The following SP3 variants were observed in gnomAD, a reference collection of about 807,000 sequenced individuals.
The protein encoded by SP3 is Sp3 transcription factor, also known as transcription factor Sp3.
In SP3, 10 loss-of-function variants were observed where a neutral mutation model predicts 70.3. The ratio of observed to expected loss-of-function variants is 0.14; its 90% confidence interval spans 0.09 to 0.24. SP3 has a LOEUF of 0.24. Among genes scored for constraint, SP3 ranks in the 10% least tolerant of loss-of-function variants. The pLI, the probability that SP3 is intolerant of heterozygous loss-of-function variation, is 1.00. For missense variants in SP3, 825 were observed against 914.6 expected (o/e 0.90, Z 1.26); for synonymous variants, 402 against 333.5 (o/e 1.21, Z -2.24).
intron 4 of SP3, among the ~76,000 whole-genome samples, chr2:173,920,263 A>C (rs1248340785): frequency 6.6e-6 from 1 of 152,138 alleles, no homozygotes; most frequent in Admixed American, 6.6e-5. Context: ...GGTTGCCAGG[A>C]ATTAAAGGGG....
At chr2:173,936,891 C>G (rs1217774934) in intron 4 of SP3, among the ~76,000 whole-genome samples, 1 of 151,796 alleles carries the variant, frequency 6.6e-6, no homozygotes, top group Non-Finnish European at 1.5e-5. Context: ...TCTCTCTTCT[C>G]TATTAGGTCT....
rs989540445 is a variant in SP3, at chr2:173,965,367, G to A, written c.-196C>T. On this transcript the variant is annotated 5_prime_UTR_variant, in exon 1 of 7. Coordinates refer to ENST00000310015, the MANE Select transcript of SP3 (RefSeq NM_003111.5). ...GCCTCCAGCCCAAAAGGGGGGAAGA[G>A]GGTGACAGCCCGCCCGGAACTCCCG... 2.6e-5 allele frequency: 16 copies of A among 616,914 alleles called. No homozygotes were observed. In the East Asian group the frequency reaches 3.4e-4, roughly 13 times the overall value. The allele number at this position is 616,914 out of a possible 1,614,324, so 38.2% of individuals were successfully genotyped here.
chr2:173,946,116 G>C (rs1040809012), intron 4 of SP3, among the ~76,000 whole-genome samples: 1 of 151,896 alleles, frequency 6.6e-6, no homozygotes, highest in African/African-American at 2.4e-5. Context: ...GACAGAGCAA[G>C]ATACGGTCTC....
chr2:173,902,404 G>A lies in SP3; in HGVS notation c.*7537C>T, dbSNP rs1016877551. On this transcript the variant is annotated 3_prime_UTR_variant, in exon 7 of 7. Coordinates refer to ENST00000310015, the MANE Select transcript of SP3 (RefSeq NM_003111.5). ...AATATAATTTGGTATGCATGTTATG[G>A]AGATCAATTTGGAAGTATCTGGTGA... 1.3e-5 allele frequency among the ~76,000 whole-genome samples: 2 copies of A among 152,188 alleles called. No homozygotes were observed. Among genetic ancestry groups the A allele is most frequent in the African/African-American group, 4.8e-5 (2 of 41,440 alleles).
rs779557887 is a variant in SP3 at position 173,964,411 on chromosome 2, CGCCGCT to C, written c.144_149del (p.Ala50_Ala51del). The C allele has an allele frequency of 1.4e-6, 1 of 722,468 alleles. No individual in the cohort carries two copies. The highest frequency in any genetic ancestry group is 1.5e-5 in the South Asian group (1 of 68,936). 44.8% of individuals were successfully genotyped at this position (722,468 alleles called of 1,614,324 possible). ...GGGTTCAGCCGCTCCTCACCTGGGC[CGCCGCT>C]GCCGCCGCCACCGCACCGTTTCCGT... On this transcript the variant is annotated inframe_deletion, in exon 2 of 7. Transcript: ENST00000310015.
intron 4 of SP3, among the ~76,000 whole-genome samples, chr2:173,922,590 C>A (rs1207098749): frequency 6.6e-6 from 1 of 151,710 alleles, no homozygotes; most frequent in East Asian, 1.9e-4. Flanking sequence ...AATTAACAAG[C>A]AGAGACTAAA....
In SP3 at chr2:173,964,427, A is replaced by G; in HGVS notation, c.134T>C (p.Val45Ala). 1 of 729,566 alleles carries G rather than the reference A, an allele frequency of 1.4e-6. No individual in the cohort carries two copies. Among genetic ancestry groups the G allele is most frequent in the East Asian group, 2.7e-5 (1 of 36,762 alleles). The allele number at this position is 729,566 out of a possible 1,614,324, so 45.2% of individuals were successfully genotyped here. A position where few individuals can be genotyped will look rare whatever the true frequency, so the allele number is the denominator to read the frequency against. Residue 45 changes from valine (V) to alanine (A), a missense_variant, in exon 2 of 7, where the codon GTG (valine) becomes GCG (alanine). Physicochemically the swap from Val to Ala is moderately conservative, Grantham distance 64. Transcript: ENST00000310015. ...CACCTGGGCCGCCGCTGCCGCCGCCACCGCACCGTTTCCGTGCTGTTGCTG... is the reference window on the plus strand; with the variant it reads ...CACCTGGGCCGCCGCTGCCGCCGCCGCCGCACCGTTTCCGTGCTGTTGCTG... ...QQQQQHGNGA[V>A]AAAAAAQDTQ...
rs889890320 is a variant in SP3 at position 173,945,886 on chromosome 2, G to A, written c.1639+8987C>T. Among the ~76,000 whole-genome samples the A allele has an allele frequency of 5.9e-5, 9 of 152,248 alleles. No homozygotes were observed. The South Asian group carries it at 6.2e-4, about 11-fold the overall frequency. On this transcript the variant is annotated intron_variant, in intron 4 of 6. Transcript: ENST00000310015. ...TCATGCCTTAATCCCAGCACTTTACGAGGCTGATGTGGACGGATCATTTGA... is the reference window on the plus strand; with the variant it reads ...TCATGCCTTAATCCCAGCACTTTACAAGGCTGATGTGGACGGATCATTTGA...
At chr2:173,945,216 C>T (rs1559103750) in intron 4 of SP3, among the ~76,000 whole-genome samples, 3 of 152,104 alleles carry the variant, frequency 2.0e-5, no homozygotes, top group African/African-American at 4.8e-5. Context: ...TTTAAAATTA[C>T]TTTATTTTAA....
intron 6 of SP3, among the ~76,000 whole-genome samples, chr2:173,911,749 C>A (rs962109878): frequency 6.6e-6 from 1 of 151,446 alleles, no homozygotes; most frequent in Non-Finnish European, 1.5e-5. Flanking sequence ...CTATCCCAAG[C>A]AGTAATTATC....
At chr2:173,931,899 G>T (rs945906458) in intron 4 of SP3, among the ~76,000 whole-genome samples, 1 of 152,156 alleles carries the variant, frequency 6.6e-6, no homozygotes, top group Admixed American at 6.6e-5. Flanking sequence ...GTTGTGGCTG[G>T]TATATCTGGC....
intron 5 of SP3, chr2:173,916,387 G>A (rs1440374374): frequency 2.0e-5 from 3 of 151,860 alleles, no homozygotes; most frequent in Admixed American, 2.0e-4. Context: ...GTAAGTGATG[G>A]AACTGTTTCT....
At position 173,906,111 on chromosome 2, in the gene SP3, T is replaced by C. The variant is rs1689312568; in HGVS notation, c.*3830A>G. Among the ~76,000 whole-genome samples, 1 of 152,176 alleles carries C rather than the reference T, an allele frequency of 6.6e-6. No individual in the cohort carries two copies. The highest frequency in any genetic ancestry group is 2.4e-5 in the African/African-American group (1 of 41,434). Reference sequence around the variant, plus strand: ...AAAAAAATTCTTCTCTTTTGCAATTTGGCAGCCCCTCTTAAAAATTTTTCC... The same window carrying C: ...AAAAAAATTCTTCTCTTTTGCAATTCGGCAGCCCCTCTTAAAAATTTTTCC... On this transcript the variant is annotated 3_prime_UTR_variant, in exon 7 of 7. Coordinates refer to ENST00000310015, the MANE Select transcript of SP3 (RefSeq NM_003111.5).
In SP3 at chr2:173,955,702, A is replaced by T; in HGVS notation, c.810T>A (p.Asn270Lys). 6.2e-7 allele frequency: 1 copy of T among 1,614,214 alleles called. No homozygotes were observed. The highest frequency in any genetic ancestry group is 8.5e-7 in the Non-Finnish European group (1 of 1,180,034). The change falls in exon 4 of 7, where the codon AAT (asparagine) becomes AAA (lysine). Residue 270 changes from asparagine (N) to lysine (K), a missense_variant. Physicochemically the swap from Asn to Lys is moderately conservative, Grantham distance 94. Around this residue, in one of 4 missense-constraint regions of SP3, gnomAD observed 678 missense variants for 651.6 expected, o/e 1.04. Coordinates refer to ENST00000310015, the MANE Select transcript of SP3 (RefSeq NM_003111.5). ...LPGNITFVPI[N>K]SVDLDSLGLS... ...GTCCCAAAGAATCTAGATCGACACTATTGATTGGTACAAACGTAATATTTC... is the reference window on the plus strand; with the variant it reads ...GTCCCAAAGAATCTAGATCGACACTTTTGATTGGTACAAACGTAATATTTC...
Position 173,955,023 on chromosome 2 carries a change from G to T in SP3, c.1489C>A (p.Leu497Ile), listed in dbSNP as rs541210855. ...ITLTPVQTLT[L>I]GQVAAGGAFT... ...GCTCCACCTGCCGCAACTTGACCAAGTGTGAGGGTTTGAACAGGCGTCAAA... is the reference window on the plus strand; with the variant it reads ...GCTCCACCTGCCGCAACTTGACCAATTGTGAGGGTTTGAACAGGCGTCAAA... The change falls in exon 4 of 7, where the codon CTT (leucine) becomes ATT (isoleucine). Residue 497 changes from leucine (L) to isoleucine (I), a missense_variant. This residue lies in a region of SP3 where 678 missense variants were observed against 651.6 expected (regional missense o/e 1.04). Transcript: ENST00000310015. 5.9e-5 allele frequency: 96 copies of T among 1,614,246 alleles called. No homozygotes were observed. In the South Asian group the frequency reaches 1.0e-3, roughly 17 times the overall value.
At chr2:173,949,209 T>C (rs1035429439) in intron 4 of SP3, among the ~76,000 whole-genome samples, 10 of 152,172 alleles carry the variant, frequency 6.6e-5, no homozygotes, top group Admixed American at 3.3e-4. Context: ...TGCATTTCTA[T>C]AATCAACCAG....
intron 4 of SP3, among the ~76,000 whole-genome samples, chr2:173,934,414 G>A (rs935266187): frequency 6.6e-6 from 1 of 152,054 alleles, no homozygotes; most frequent in African/African-American, 2.4e-5. Flanking sequence ...AGTATAGGCT[G>A]AAAGAAAATT....
chr2:173,953,966 G>A (rs1574423181), intron 4 of SP3, among the ~76,000 whole-genome samples: 3 of 152,176 alleles, frequency 2.0e-5, no homozygotes, highest in African/African-American at 4.8e-5. Context: ...AAAGAAAAAA[G>A]GTAATCTTTA....
At chr2:173,962,505 TAAC>T (rs1279064694) in intron 3 of SP3, among the ~76,000 whole-genome samples, 3 of 152,216 alleles carry the variant, frequency 2.0e-5, no homozygotes, top group African/African-American at 7.2e-5. Context: ...TATTTAAAAA[TAAC>T]AAAGCCTAAT....
Sources: gnomAD v4.1 joint callset for allele counts (sites outside exome capture counted in the v4.1 genomes callset) on GRCh38, gnomAD v4.1.1 for gene constraint, gnomAD v4.1.1 regional missense constraint, MANE v1.5 for transcripts, NCBI Gene and HGNC (gene_info 2026-07-23, HGNC 2026-07-21) for gene names.